The following PDE1A variants were observed in gnomAD, a reference collection of about 807,000 sequenced individuals.
The protein encoded by PDE1A is dual specificity calcium/calmodulin-dependent 3',5'-cyclic nucleotide phosphodiesterase 1A.
Under a neutral mutation model 61.7 loss-of-function variants are expected in PDE1A, and 35 were observed. The ratio of observed to expected loss-of-function variants is 0.57; its 90% CI spans 0.43 to 0.75. PDE1A has a LOEUF of 0.75. Among genes scored for constraint, PDE1A ranks in the 30% least tolerant of loss-of-function variants. The pLI is 0.00. For missense variants in PDE1A, 597 were observed against 630.6 expected, an observed-to-expected ratio of 0.95 and a Z score of 0.57; for synonymous variants, 232 against 213.2, an observed-to-expected ratio of 1.09 and a Z score of -0.77.
At chr2:182,336,034 T>C (rs180847127) in intron 1 of PDE1A, among the ~76,000 whole-genome samples, 11 of 152,224 alleles carry the variant, frequency 7.2e-5, no homozygotes, top group African/African-American at 2.6e-4. Context: ...TCATCACTGG[T>C]CATTAGAGAA....
chr2:182,185,467 A>C (rs1401055375), intron 13 of PDE1A, among the ~76,000 whole-genome samples: 2 of 152,140 alleles, frequency 1.3e-5, no homozygotes, highest in African/African-American at 2.4e-5. Context: ...CAAAAAAGCA[A>C]CTTAGTGAAA....
intron 13 of PDE1A, among the ~76,000 whole-genome samples, chr2:182,173,036 A>G (rs1305958890): frequency 2.0e-5 from 3 of 152,002 alleles, no homozygotes; most frequent in African/African-American, 7.2e-5. Flanking sequence ...GAATATAACT[A>G]CGAAGGTTCC....
chr2:182,277,264 T>C (rs833133), intron 1 of PDE1A, among the ~76,000 whole-genome samples: 110,560 of 151,932 alleles, frequency 0.73, 40,976 homozygotes, highest in African/African-American at 0.88. Flanking sequence ...CCTACTGATA[T>C]GTGATGTCAC....
At chr2:182,498,922 G>A (rs542533640) in intron 2 of PDE1A, among the ~76,000 whole-genome samples, 3 of 151,972 alleles carry the variant, frequency 2.0e-5, no homozygotes, top group Admixed American at 1.3e-4. Flanking sequence ...CAGCCTGGGC[G>A]ACAGAGCGAG....
chr2:182,515,314 C>T (rs191112852), intron 2 of PDE1A, among the ~76,000 whole-genome samples: 226 of 152,162 alleles, frequency 1.5e-3, no homozygotes, highest in Middle Eastern at 3.4e-3. Context: ...TAACATTGTA[C>T]CTGACACAGT....
chr2:182,382,596 C>T (rs1574503444), intron 1 of PDE1A, among the ~76,000 whole-genome samples: 1 of 152,104 alleles, frequency 6.6e-6, no homozygotes, highest in East Asian at 1.9e-4. Context: ...GAACTTTTCA[C>T]TAATAAATAG....
the PDE1A span, among the ~76,000 whole-genome samples, chr2:182,697,418 T>G: frequency 6.6e-6 from 1 of 152,128 alleles, no homozygotes; most frequent in East Asian, 1.9e-4. Context: ...TTTGGAGGAG[T>G]GAGGGATCTG....
At chr2:182,198,445 T>C (rs2125455387) in intron 10 of PDE1A, among the ~76,000 whole-genome samples, 1 of 152,078 alleles carries the variant, frequency 6.6e-6, no homozygotes, top group South Asian at 2.1e-4. Flanking sequence ...AGAATAAAAA[T>C]GTTCAGTATT....
the PDE1A span, among the ~76,000 whole-genome samples, chr2:182,634,696 A>G: frequency 6.6e-6 from 1 of 152,234 alleles, no homozygotes; most frequent in Non-Finnish European, 1.5e-5. Context: ...AGAGAAAAAA[A>G]CAAGTTTCTA....
intron 2 of PDE1A, among the ~76,000 whole-genome samples, chr2:182,482,792 T>C (rs942784407): frequency 6.6e-6 from 1 of 151,942 alleles, no homozygotes; most frequent in Non-Finnish European, 1.5e-5. Context: ...GAACAGAGTA[T>C]GGAGTTCAGA....
rs532183140 is a variant in PDE1A at position 182,434,046 on chromosome 2, A to G, written c.101+88230T>C. Among the ~76,000 whole-genome samples, 170 of 152,202 alleles carry G rather than the reference A, an allele frequency of 1.1e-3. 1 individual carries two copies. Among genetic ancestry groups the G allele is most frequent in the Middle Eastern group, 0.01 (3 of 294 alleles). On this transcript the variant is annotated intron_variant, in intron 2 of 14. Transcript: ENST00000410103. The stretch of plus-strand genomic sequence containing the variant: ...AATCTGTGTGCATCATAATCTGTTT[A>G]ATTTTTTATTCACAAATGTATCTGT...
intron 10 of PDE1A, among the ~76,000 whole-genome samples, chr2:182,196,068 C>A (rs904319630): frequency 3.9e-5 from 6 of 151,926 alleles, no homozygotes; most frequent in African/African-American, 1.5e-4. Flanking sequence ...AACATTTTAC[C>A]TGTTGGAATT....
the PDE1A span, among the ~76,000 whole-genome samples, chr2:182,613,800 C>G: frequency 1.3e-5 from 2 of 152,088 alleles, no homozygotes; most frequent in Non-Finnish European, 2.9e-5. Flanking sequence ...CCAAGGTATT[C>G]CAAGGATTGC....
the PDE1A span, among the ~76,000 whole-genome samples, chr2:182,615,473 C>G: frequency 6.6e-6 from 1 of 152,078 alleles, no homozygotes. Flanking sequence ...AACCCAGAAA[C>G]AATATAAGAC....
chr2:182,421,687 T>C (rs1199258302), intron 1 of PDE1A, among the ~76,000 whole-genome samples: 4 of 152,190 alleles, frequency 2.6e-5, no homozygotes, highest in Non-Finnish European at 5.9e-5. Context: ...TCTTAAAAAT[T>C]AGAGCTACTT....
chr2:182,493,229 T>G (rs552651510), intron 2 of PDE1A, among the ~76,000 whole-genome samples: 13 of 64,966 alleles, frequency 2.0e-4, no homozygotes, highest in African/African-American at 6.1e-4. Flanking sequence ...CTTTCTCGAC[T>G]AACTTTTTTT....
At chr2:182,346,385 G>A (rs1698519732) in intron 1 of PDE1A, among the ~76,000 whole-genome samples, 1 of 152,122 alleles carries the variant, frequency 6.6e-6, no homozygotes, top group Non-Finnish European at 1.5e-5. Context: ...TTCCATAAAA[G>A]AGCAGACATG....
At chr2:182,418,926 C>A (rs1703091684) in intron 1 of PDE1A, among the ~76,000 whole-genome samples, 5 of 152,276 alleles carry the variant, frequency 3.3e-5, no homozygotes, top group Admixed American at 3.3e-4. Flanking sequence ...ATTCAGCTGA[C>A]CCACGGGCGC....
At chr2:182,521,814 A>T (rs1466886525) in intron 2 of PDE1A, among the ~76,000 whole-genome samples, 1 of 152,142 alleles carries the variant, frequency 6.6e-6, no homozygotes, top group Non-Finnish European at 1.5e-5. Flanking sequence ...AATATCATTT[A>T]AGCAAAAAGA....
Sources: allele counts gnomAD v4.1 joint callset (sites outside exome capture counted in the v4.1 genomes callset), GRCh38; gene constraint gnomAD v4.1.1; transcripts MANE v1.5; gene names NCBI Gene and HGNC (gene_info 2026-07-23, HGNC 2026-07-21).